The following GLG1 variants were observed in gnomAD, a reference collection of about 807,000 sequenced individuals.
The protein encoded by GLG1 is golgi glycoprotein 1, also known as Golgi apparatus protein 1.
A neutral mutation model predicts 160.5 loss-of-function variants in GLG1; 38 were observed. The ratio of observed to expected loss-of-function variants is 0.24; its 90% CI spans 0.18 to 0.31. The LOEUF is 0.31. Ranked by LOEUF, GLG1 falls within the 10% of genes least tolerant of loss-of-function variation. GLG1 has a pLI of 1.00. For synonymous variants in GLG1, 644 were observed against 543.4 expected (o/e 1.19, Z -2.57); for missense variants, 1,373 against 1,505.2 (o/e 0.91, Z 1.45).
Position 74,607,038 on chromosome 16 carries a change from C to A in GLG1, c.57G>T (p.Leu19=). ...CGGCCCCGGCCGCGAATAGCAGCAG[C>A]AGATGCAGCGCCGCCGACAAGCGGA... The part of the protein sequence containing the change: ...RMFRLSAALH[L]LLLFAAGAEK... Residue 19 remains leucine (L), a synonymous_variant, in exon 1 of 26, where the codon CTG becomes CTT. Transcript: ENST00000422840. The A allele has an allele frequency of 6.3e-7, 1 of 1,595,072 alleles. No individual in the cohort carries two copies. Among genetic ancestry groups the A allele is most frequent in the Non-Finnish European group, 8.5e-7 (1 of 1,173,564 alleles).
intron 1 of GLG1, among the ~76,000 whole-genome samples, chr16:74,583,835 CT>C (rs1392737510): frequency 6.6e-6 from 1 of 152,210 alleles, no homozygotes; most frequent in East Asian, 1.9e-4. Flanking sequence ...TCGACCATGT[CT>C]TTTAGAAGGG....
chr16:74,477,977 A>AAATAAATAAATAAATAAAT (rs1555508275), intron 11 of GLG1, among the ~76,000 whole-genome samples: 2 of 140,148 alleles, frequency 1.4e-5, no homozygotes, highest in Admixed American at 7.5e-5. Context: ...CCGTCTCAAA[A>AAATAAATAAATAAATAAAT]AAATAAATAA....
intron 1 of GLG1, among the ~76,000 whole-genome samples, chr16:74,600,497 C>T (rs746006603): frequency 2.0e-5 from 3 of 151,968 alleles, no homozygotes; most frequent in African/African-American, 7.3e-5. Flanking sequence ...TTTGGGAGGC[C>T]AAGACAGGCA....
chr16:74,525,655 A>G (rs906958835), intron 2 of GLG1, among the ~76,000 whole-genome samples: 41 of 150,206 alleles, frequency 2.7e-4, no homozygotes, highest in African/African-American at 9.1e-4. Context: ...GGCTATCTGT[A>G]TATTTTCTTC....
At chr16:74,543,045 C>G (rs2017947951) in intron 1 of GLG1, among the ~76,000 whole-genome samples, 1 of 152,012 alleles carries the variant, frequency 6.6e-6, no homozygotes. Flanking sequence ...TGCCACAACT[C>G]TTCCATACTG....
At chr16:74,597,930 C>T (rs1253484157) in intron 1 of GLG1, among the ~76,000 whole-genome samples, 3 of 151,020 alleles carry the variant, frequency 2.0e-5, no homozygotes, top group Admixed American at 6.6e-5. Context: ...GCAGGAGAAT[C>T]GCTTGAACCC....
chr16:74,454,666 CAAAAAAAAAAAAAAAAA>C (rs58759187), intron 25 of GLG1, among the ~76,000 whole-genome samples: 3 of 38,532 alleles, frequency 7.8e-5, no homozygotes, highest in East Asian at 1.6e-3. Flanking sequence ...AATCCGTCCC[CAAAAAAAAAAAAAAAAA>C]AAAAAAAAAA....
chr16:74,570,817 G>T (rs1165276212), intron 1 of GLG1, among the ~76,000 whole-genome samples: 4 of 152,172 alleles, frequency 2.6e-5, no homozygotes, highest in Non-Finnish European at 1.5e-5. Context: ...GAGCCCAGGA[G>T]TTTGAGGCTA....
intron 12 of GLG1, among the ~76,000 whole-genome samples, chr16:74,476,229 T>C (rs1485974640): frequency 1.3e-5 from 2 of 152,166 alleles, no homozygotes; most frequent in African/African-American, 4.8e-5. Flanking sequence ...CATGACGGGC[T>C]GCAATGTAGT....
At chr16:74,478,745 C>T (rs2015482698) in intron 11 of GLG1, among the ~76,000 whole-genome samples, 1 of 151,684 alleles carries the variant, frequency 6.6e-6, no homozygotes, top group South Asian at 2.1e-4. Flanking sequence ...AACCCCATCT[C>T]TACTAAAAAT....
At position 74,453,010 on chromosome 16, in the gene GLG1, G is replaced by T. The variant is rs2014386699; in HGVS notation, c.*157C>A. 39 of 1,378,582 alleles carry T rather than the reference G, an allele frequency of 2.8e-5. 2 individuals carry two copies. The South Asian group carries it at 6.8e-4, about 24-fold the overall frequency. The allele number at this position is 1,378,582 out of a possible 1,614,324, so 85.4% of individuals were successfully genotyped here. A position where few individuals can be genotyped will look rare whatever the true frequency, so the allele number is the denominator to read the frequency against. On this transcript the variant is annotated 3_prime_UTR_variant, in exon 26 of 26. Coordinates refer to ENST00000422840, the MANE Select transcript of GLG1 (RefSeq NM_001145667.2). The stretch of plus-strand genomic sequence containing the variant: ...GAGGAGGAGGACACCATGGACACGA[G>T]TGGAGGCTGGATGGGACAACGCAGT...
intron 1 of GLG1, among the ~76,000 whole-genome samples, chr16:74,603,641 GA>G (rs200282941): frequency 2.2e-4 from 32 of 142,676 alleles, no homozygotes; most frequent in East Asian, 4.0e-4. Context: ...GACACTAGTG[GA>G]AAAAAAAAAA....
chr16:74,567,200 GGAGAGAGAGACA>G (rs2018678330), intron 1 of GLG1, among the ~76,000 whole-genome samples: 1 of 147,358 alleles, frequency 6.8e-6, no homozygotes, highest in Non-Finnish European at 1.5e-5. Flanking sequence ...TAGGGAGCGG[GGAGAGAGAGACA>G]GAGAGAGAGA....
chr16:74,542,774 G>GAAGGAAGGAAGGAAGGA (rs2017935797), intron 1 of GLG1, among the ~76,000 whole-genome samples: 3 of 143,564 alleles, frequency 2.1e-5, no homozygotes, highest in African/African-American at 8.2e-5. Flanking sequence ...AGGAAGGAAG[G>GAAGGAAGGAAGGAAGGA]AAGGAAGGAA....
intron 9 of GLG1, among the ~76,000 whole-genome samples, chr16:74,484,749 G>A (rs754404396): frequency 6.6e-6 from 1 of 152,136 alleles, no homozygotes; most frequent in Non-Finnish European, 1.5e-5. Flanking sequence ...CTGGGCTACA[G>A]AGCAAGATTC....
intron 1 of GLG1, among the ~76,000 whole-genome samples, chr16:74,593,367 T>C (rs1958225788): frequency 6.6e-6 from 1 of 151,994 alleles, no homozygotes; most frequent in Non-Finnish European, 1.5e-5. Flanking sequence ...TTGAGAGTTC[T>C]GTTAAATGAC....
At chr16:74,496,389 A>G in intron 5 of GLG1, 52 bp downstream of exon 5, 2 of 1,191,430 alleles carry the variant, frequency 1.7e-6, no homozygotes. Context: ...AAACAAAATT[A>G]TATATGTGTA....
chr16:74,464,882 G>T (rs533294299), intron 19 of GLG1, among the ~76,000 whole-genome samples: 1 of 151,722 alleles, frequency 6.6e-6, no homozygotes, highest in Non-Finnish European at 1.5e-5. Context: ...TTACTCTGTC[G>T]CTCAGGCTGG....
intron 1 of GLG1, among the ~76,000 whole-genome samples, chr16:74,571,323 C>T (rs968333316): frequency 6.6e-6 from 1 of 152,164 alleles, no homozygotes; most frequent in East Asian, 1.9e-4. Flanking sequence ...CCATTGAGTA[C>T]TGCCCAAAAA....
Sources: allele counts gnomAD v4.1 joint callset (sites outside exome capture counted in the v4.1 genomes callset), GRCh38; gene constraint gnomAD v4.1.1; transcripts MANE v1.5; gene names NCBI Gene and HGNC (gene_info 2026-07-23, HGNC 2026-07-21).